PAK5: variants seen among roughly 807,000 people sequenced by gnomAD.
PAK5 encodes p21 (RAC1) activated kinase 5, also known as serine/threonine-protein kinase PAK 5.
Under a neutral mutation model 65.9 loss-of-function variants are expected in PAK5, and 16 were observed. That is an observed-to-expected ratio of 0.24 (90% CI 0.16 to 0.37). The LOEUF (loss-of-function observed/expected upper bound fraction) is 0.37, where lower values mean the gene tolerates loss of function less well. Among genes scored for constraint, PAK5 ranks in the 10% least tolerant of loss-of-function variants. PAK5 has a pLI of 1.00. For synonymous variants in PAK5, 371 were observed against 354.9 expected (o/e 1.05, Z -0.51); for missense variants, 785 against 903.9 (o/e 0.87, Z 1.69).
chr20:9,575,361 A>G (rs1175983774), intron 4 of PAK5, among the ~76,000 whole-genome samples: 1 of 152,158 alleles, frequency 6.6e-6, no homozygotes, highest in African/African-American at 2.4e-5. Flanking sequence ...AGTTCAAAGT[A>G]GGTACTGAAA....
intron 3 of PAK5, among the ~76,000 whole-genome samples, chr20:9,641,113 G>A (rs1214025795): frequency 6.6e-6 from 1 of 152,038 alleles, no homozygotes; most frequent in Non-Finnish European, 1.5e-5. Flanking sequence ...TAGATACAAA[G>A]GTTCTCCACC....
In PAK5 at chr20:9,737,923, A is replaced by G. The variant is rs574865673; in HGVS notation, c.-161-26488T>C. On this transcript the variant is annotated intron_variant, in intron 1 of 9. Coordinates refer to ENST00000353224, the MANE Select transcript of PAK5 (RefSeq NM_177990.4). ...TTTGGGAGGCCGAGGTGGGCAGATC[A>G]TGAGGTCAAGAGATCGAGACCACCC... Among the ~76,000 whole-genome samples, 23 of 152,214 alleles carry G rather than the reference A, an allele frequency of 1.5e-4. No individual in the cohort carries two copies. In the East Asian group the frequency reaches 4.3e-3, roughly 28 times the overall value.
chr20:9,803,523 G>T (rs1569094696), intron 1 of PAK5, among the ~76,000 whole-genome samples: 1 of 152,150 alleles, frequency 6.6e-6, no homozygotes, highest in Non-Finnish European at 1.5e-5. Flanking sequence ...GCAAACAGCA[G>T]AAAAAGAAGA....
At chr20:9,669,006 T>C (rs765169069) in intron 2 of PAK5, among the ~76,000 whole-genome samples, 1 of 152,192 alleles carries the variant, frequency 6.6e-6, no homozygotes, top group Non-Finnish European at 1.5e-5. Flanking sequence ...TTTTAATGTA[T>C]AATGGAACAC....
intron 1 of PAK5, among the ~76,000 whole-genome samples, chr20:9,719,543 TAG>T (rs1299418155): frequency 2.0e-5 from 3 of 152,174 alleles, no homozygotes; most frequent in Admixed American, 6.5e-5. Flanking sequence ...TTTCCCCATT[TAG>T]AGAGCAATTT....
At chr20:9,648,063 C>T (rs1357681889) in intron 2 of PAK5, among the ~76,000 whole-genome samples, 6 of 152,194 alleles carry the variant, frequency 3.9e-5, no homozygotes, top group South Asian at 2.1e-4. Flanking sequence ...AAGTTCAATG[C>T]GTCTCATCCC....
chr20:9,667,113 T>A (rs1034484038), intron 2 of PAK5, among the ~76,000 whole-genome samples: 2 of 151,976 alleles, frequency 1.3e-5, no homozygotes, highest in African/African-American at 2.4e-5. Flanking sequence ...CCTATCTCTA[T>A]TAAAAATACA....
intron 3 of PAK5, among the ~76,000 whole-genome samples, chr20:9,640,543 G>A (rs1308312249): frequency 6.6e-6 from 1 of 152,134 alleles, no homozygotes; most frequent in Non-Finnish European, 1.5e-5. Context: ...TGTGTTTATA[G>A]CAGCATGTTT....
intron 3 of PAK5, among the ~76,000 whole-genome samples, chr20:9,598,051 A>G (rs892539367): frequency 2.4e-4 from 37 of 152,312 alleles, no homozygotes; most frequent in African/African-American, 8.9e-4. Flanking sequence ...GCACCTATCA[A>G]TCTCTCACCT....
chr20:9,575,322 T>TA (rs1193819511), intron 4 of PAK5, among the ~76,000 whole-genome samples: 3 of 152,138 alleles, frequency 2.0e-5, no homozygotes, highest in Non-Finnish European at 4.4e-5. Context: ...CCCCAGTAGC[T>TA]AGGGCTACAG....
At chr20:9,772,654 C>T (rs976190737) in intron 1 of PAK5, among the ~76,000 whole-genome samples, 18 of 152,332 alleles carry the variant, frequency 1.2e-4, no homozygotes, top group Middle Eastern at 3.4e-3. Context: ...AGCATGATTG[C>T]TTTTCATGCA....
At chr20:9,777,799 C>T (rs985626316) in intron 1 of PAK5, among the ~76,000 whole-genome samples, 1 of 152,124 alleles carries the variant, frequency 6.6e-6, no homozygotes, top group African/African-American at 2.4e-5. Flanking sequence ...GGTGCTCCTG[C>T]TCTTTTATGC....
intron 2 of PAK5, among the ~76,000 whole-genome samples, chr20:9,651,037 A>G (rs2123298171): frequency 6.6e-6 from 1 of 152,330 alleles, no homozygotes; most frequent in Non-Finnish European, 1.5e-5. Context: ...GAATTTTATC[A>G]AACAATCTTA....
intron 2 of PAK5, among the ~76,000 whole-genome samples, chr20:9,703,076 T>G (rs2047960309): frequency 6.6e-6 from 1 of 152,176 alleles, no homozygotes; most frequent in Non-Finnish European, 1.5e-5. Flanking sequence ...ACATGCATTC[T>G]AACATCCCTC....
At chr20:9,568,557 A>G (rs2045721946) in intron 4 of PAK5, among the ~76,000 whole-genome samples, 2 of 152,182 alleles carry the variant, frequency 1.3e-5, no homozygotes, top group Non-Finnish European at 2.9e-5. Context: ...TCTACACTGT[A>G]TTGGGATCAA....
chr20:9,708,684 G>T (rs996685405), intron 2 of PAK5, among the ~76,000 whole-genome samples: 3 of 152,076 alleles, frequency 2.0e-5, no homozygotes, highest in Non-Finnish European at 4.4e-5. Flanking sequence ...TCCTCTGGCT[G>T]CTGGAGTTTT....
intron 1 of PAK5, among the ~76,000 whole-genome samples, chr20:9,715,287 A>G (rs1245200823): frequency 4.6e-5 from 7 of 152,194 alleles, no homozygotes; most frequent in Admixed American, 4.6e-4. Flanking sequence ...CAACAGACAC[A>G]TGAAAAAATG....
At chr20:9,574,348 C>G (rs2045847165) in intron 4 of PAK5, among the ~76,000 whole-genome samples, 1 of 152,146 alleles carries the variant, frequency 6.6e-6, no homozygotes, top group African/African-American at 2.4e-5. Flanking sequence ...GCTCTTCCTC[C>G]ACCTCTGAAT....
In PAK5 at chr20:9,587,028, A is replaced by T. The variant is rs138785679; in HGVS notation, c.205-6098T>A. On this transcript the variant is annotated intron_variant, in intron 3 of 9. Coordinates refer to ENST00000353224, the MANE Select transcript of PAK5 (RefSeq NM_177990.4). ...CATTGAGACTAGATCCTTACCTCAC[A>T]GAGTTAATGTGATTATTTAATACAG... Among the ~76,000 whole-genome samples, 193 of 152,286 alleles carry T rather than the reference A, an allele frequency of 1.3e-3. 2 individuals carry two copies. The East Asian group carries it at 0.032, about 26-fold the overall frequency.
Sources: allele counts gnomAD v4.1 joint callset (sites outside exome capture counted in the v4.1 genomes callset), GRCh38; gene constraint gnomAD v4.1.1; transcripts MANE v1.5; gene names NCBI Gene and HGNC (gene_info 2026-07-23, HGNC 2026-07-21).